Variants in SPIRE1 observed in about 807,000 individuals in gnomAD.
SPIRE1 encodes the protein spire type actin nucleation factor 1.
SPIRE1 carries 40 observed loss-of-function variants against 94.1 expected under a neutral mutation model. The observed-to-expected ratio is 0.43, with a 90% confidence interval of 0.33 to 0.55. SPIRE1 has a LOEUF of 0.55. Ranked by LOEUF, SPIRE1 falls within the 20% of genes least tolerant of loss-of-function variation. The pLI, the probability that SPIRE1 is intolerant of heterozygous loss-of-function variation, is 0.06. For missense variants in SPIRE1, 838 were observed against 975.2 expected, an observed-to-expected ratio of 0.86 and a Z score of 1.87; for synonymous variants, 376 against 371.7, an observed-to-expected ratio of 1.01 and a Z score of -0.13.
rs2035188316 is a variant in SPIRE1 at position 12,546,820 on chromosome 18, G to A, written c.457C>T (p.Leu153=). The change falls in exon 3 of 17, where the codon CTA becomes TTA. Residue 153 remains leucine, a synonymous_variant. Coordinates refer to ENST00000409402, the MANE Select transcript of SPIRE1 (RefSeq NM_001128626.2). ...GCCATGTGATCGATAAGCTGCTCTAGGGGAGGGCTTAATTCCCTTTCTTCA... is the reference window on the plus strand; with the variant it reads ...GCCATGTGATCGATAAGCTGCTCTAAGGGAGGGCTTAATTCCCTTTCTTCA... ...ENEERELSPP[L]EQLIDHMANT... 1 of 1,613,870 alleles carries A rather than the reference G, an allele frequency of 6.2e-7. No individual in the cohort carries two copies. Among genetic ancestry groups the A allele is most frequent in the African/African-American group, 1.3e-5 (1 of 74,860 alleles).
intron 12 of SPIRE1, among the ~76,000 whole-genome samples, chr18:12,456,694 G>A (rs1481863793): frequency 6.6e-6 from 1 of 152,050 alleles, no homozygotes; most frequent in Non-Finnish European, 1.5e-5. Context: ...TTTTTCATTT[G>A]TAGGGATACG....
chr18:12,597,542 T>C (rs1035423914), intron 2 of SPIRE1, among the ~76,000 whole-genome samples: 1 of 152,192 alleles, frequency 6.6e-6, no homozygotes, highest in Non-Finnish European at 1.5e-5. Flanking sequence ...TTTTTAACAT[T>C]TGCCAATGAA....
intron 4 of SPIRE1, 36 bp from the exon 5 acceptor site, chr18:12,512,567 T>G (rs1220666339): frequency 7.8e-7 from 1 of 1,289,850 alleles, no homozygotes; most frequent in Non-Finnish European, 1.1e-6. Flanking sequence ...AAACATTTCA[T>G]TAAGTTATCT....
chr18:12,658,124 C>CTGCCCCGCCT (rs1555639280), upstream of SPIRE1: 7 of 954,654 alleles, frequency 7.3e-6, no homozygotes, highest in African/African-American at 1.2e-4. Context: ...CCGCCCCGCC[C>CTGCCCCGCCT]CGCCCCGCCT....
chr18:12,535,408 T>C, intron 4 of SPIRE1, 68 bp downstream of exon 4: 1 of 1,527,408 alleles, frequency 6.5e-7, no homozygotes, highest in South Asian at 1.2e-5. Flanking sequence ...TTTAGGTTTC[T>C]CTTCCAACAA....
chr18:12,465,560 T>C (rs924932178), intron 10 of SPIRE1, among the ~76,000 whole-genome samples: 1 of 152,182 alleles, frequency 6.6e-6, no homozygotes, highest in Non-Finnish European at 1.5e-5. Flanking sequence ...TTCAAAATGC[T>C]TAACACATTA....
intron 8 of SPIRE1, among the ~76,000 whole-genome samples, chr18:12,489,069 T>TCC (rs573037648): frequency 1.1e-3 from 169 of 152,220 alleles, no homozygotes; most frequent in Admixed American, 1.9e-3. Context: ...GCTCCTGTAG[T>TCC]CCCAGCTACT....
chr18:12,524,548 C>T (rs902842021), intron 4 of SPIRE1, among the ~76,000 whole-genome samples: 4 of 152,170 alleles, frequency 2.6e-5, no homozygotes, highest in African/African-American at 9.7e-5. Flanking sequence ...TCAAAGAAGT[C>T]AATTTACTTC....
intron 2 of SPIRE1, among the ~76,000 whole-genome samples, chr18:12,626,415 C>T (rs2037627021): frequency 6.6e-6 from 1 of 152,128 alleles, no homozygotes; most frequent in South Asian, 2.1e-4. Context: ...TGGAATCAGA[C>T]TACTTTACAA....
chr18:12,603,700 G>A (rs1205607550), intron 2 of SPIRE1, among the ~76,000 whole-genome samples: 6 of 151,522 alleles, frequency 4.0e-5, no homozygotes, highest in South Asian at 4.2e-4. Context: ...TCAGCCTCCC[G>A]AGTAGCTGGG....
At chr18:12,505,575 ACT>A (rs1192906285) in intron 6 of SPIRE1, among the ~76,000 whole-genome samples, 1 of 151,554 alleles carries the variant, frequency 6.6e-6, no homozygotes, top group African/African-American at 2.4e-5. Context: ...AAACAAAAAA[ACT>A]CTCAATTGGA....
chr18:12,501,778 T>C (rs1448902846), intron 6 of SPIRE1, among the ~76,000 whole-genome samples: 1 of 152,084 alleles, frequency 6.6e-6, no homozygotes, highest in Non-Finnish European at 1.5e-5. Context: ...CTGGGCAACA[T>C]AGCAAGAACC....
At chr18:12,505,141 C>T (rs2033786747) in intron 6 of SPIRE1, among the ~76,000 whole-genome samples, 1 of 152,090 alleles carries the variant, frequency 6.6e-6, no homozygotes, top group Non-Finnish European at 1.5e-5. Flanking sequence ...ACTTAAGAGG[C>T]CTACTTGGTT....
At chr18:12,592,170 T>C (rs2036554536) in intron 2 of SPIRE1, among the ~76,000 whole-genome samples, 1 of 151,910 alleles carries the variant, frequency 6.6e-6, no homozygotes, top group Non-Finnish European at 1.5e-5. Flanking sequence ...TGAAACCAGA[T>C]GAGATCACTG....
At chr18:12,643,113 GTATAAACATTTTTAAATGTTTATAC>G (rs2038130805) in intron 1 of SPIRE1, among the ~76,000 whole-genome samples, 2 of 152,004 alleles carry the variant, frequency 1.3e-5, no homozygotes, top group Admixed American at 6.6e-5. Context: ...AATGTTTATA[GTATAAACATTTTTAAATGTTTATAC>G]ATAAATAGCT....
Position 12,591,217 on chromosome 18 carries a change from C to T in SPIRE1, c.372+43845G>A, listed in dbSNP as rs144651008. 3.7e-4 allele frequency among the ~76,000 whole-genome samples: 57 copies of T among 152,248 alleles called. 1 individual carries two copies. The East Asian group carries it at 7.1e-3, about 19-fold the overall frequency. Reference sequence around the variant, plus strand: ...GGAAGGAGGTGAGAGGCTAAGTATGCGACTATCCAGGGAAAGAGAGTTTCA... The same window carrying T: ...GGAAGGAGGTGAGAGGCTAAGTATGTGACTATCCAGGGAAAGAGAGTTTCA... On this transcript the variant is annotated intron_variant, in intron 2 of 16. Coordinates refer to ENST00000409402, the MANE Select transcript of SPIRE1 (RefSeq NM_001128626.2).
At chr18:12,460,888 A>C (rs1163049778) in intron 12 of SPIRE1, among the ~76,000 whole-genome samples, 1 of 152,130 alleles carries the variant, frequency 6.6e-6, no homozygotes, top group Non-Finnish European at 1.5e-5. Flanking sequence ...GATTTTATGG[A>C]TTTCCCAAGA....
chr18:12,561,802 T>C (rs1389823920), intron 2 of SPIRE1, among the ~76,000 whole-genome samples: 3 of 152,220 alleles, frequency 2.0e-5, no homozygotes, highest in Admixed American at 1.3e-4. Context: ...TAGTGAAATA[T>C]ATGAATATTT....
At position 12,506,508 on chromosome 18, in the gene SPIRE1, C is replaced by T. The variant is rs372489121; in HGVS notation, c.941G>A (p.Arg314His). ...TTTTCGCAAGGTGTATCTTTTGCAG[C>T]GAATGTCATCCATTAACATCTCATA... ...TPYEMLMDDI[R>H]CKRYTLRKVM... is the part of the protein sequence containing the mutation. Residue 314 changes from arginine to histidine, a missense_variant, in exon 6 of 17, where the codon CGC becomes CAC. Arg to His is a conservative substitution (Grantham distance 29). Coordinates refer to ENST00000409402, the MANE Select transcript of SPIRE1 (RefSeq NM_001128626.2). 1.9e-6 allele frequency: 3 copies of T among 1,613,954 alleles called. No homozygotes were observed. The highest frequency in any genetic ancestry group is 2.5e-6 in the Non-Finnish European group (3 of 1,179,964).
Sources: gnomAD v4.1 joint callset for allele counts (sites outside exome capture counted in the v4.1 genomes callset) on GRCh38, gnomAD v4.1.1 for gene constraint, MANE v1.5 for transcripts, NCBI Gene and HGNC (gene_info 2026-07-23, HGNC 2026-07-21) for gene names.